Variants in CLPB observed in about 807,000 individuals in gnomAD.
CLPB encodes the protein ClpB family mitochondrial disaggregase.
In CLPB, 40 loss-of-function variants were observed where a neutral mutation model predicts 78.4. The observed-to-expected ratio is 0.51, with a 90% CI of 0.40 to 0.66. The LOEUF is 0.66. CLPB is among the 30% of genes least tolerant of loss of function. The probability of loss-of-function intolerance (pLI) is 0.00; values close to 1 mark genes in which losing one functional copy is unlikely to be tolerated. For synonymous variants in CLPB, 333 were observed against 348.0 expected (o/e 0.96, Z 0.48); for missense variants, 780 against 886.9 (o/e 0.88, Z 1.53).
chr11:72,430,358 C>A lies in CLPB; in HGVS notation c.409G>T (p.Ala137Ser), dbSNP rs1323542690. 1.9e-6 allele frequency: 3 copies of A among 1,612,986 alleles called. No individual in the cohort carries two copies. Among genetic ancestry groups the A allele is most frequent in the Non-Finnish European group, 2.5e-6 (3 of 1,179,836 alleles). The change falls in exon 2 of 16, where the codon GCC becomes TCC. Residue 137 changes from alanine to serine, a missense_variant. Around this residue, in one of 3 missense-constraint regions of CLPB, gnomAD observed 417 missense variants for 414.7 expected, o/e 1.01. Transcript: ENST00000538039. ...YSKSPSNKDA[A>S]LLEAARANNM... The stretch of plus-strand genomic sequence containing the variant: ...TTGGCACGGGCAGCTTCCAACAGGG[C>A]TGCATCTGAAGAGAAAGGGGGCACT...
At chr11:72,398,706 C>T (rs1381664570) in intron 3 of CLPB, among the ~76,000 whole-genome samples, 2 of 152,188 alleles carry the variant, frequency 1.3e-5, no homozygotes, top group Admixed American at 1.3e-4. Flanking sequence ...AATGAGACAC[C>T]CAGACTCAGG....
intron 5 of CLPB, among the ~76,000 whole-genome samples, chr11:72,343,506 T>G (rs1033377470): frequency 6.6e-6 from 1 of 152,194 alleles, no homozygotes; most frequent in Non-Finnish European, 1.5e-5. Context: ...AACCAGAAGC[T>G]TCTGCCAACA....
chr11:72,338,890 CT>C (rs1950369202), intron 5 of CLPB, among the ~76,000 whole-genome samples: 1 of 152,188 alleles, frequency 6.6e-6, no homozygotes, highest in Non-Finnish European at 1.5e-5. Context: ...CAAATGTGGA[CT>C]TCATGAGACA....
chr11:72,302,596 G>A (rs529333585), intron 9 of CLPB: 26 of 474,836 alleles, frequency 5.5e-5, no homozygotes, highest in South Asian at 5.3e-4. Context: ...ATCTGACTTG[G>A]GGTGTCTTCT....
chr11:72,405,168 G>A (rs759813510), intron 2 of CLPB, among the ~76,000 whole-genome samples: 1 of 152,334 alleles, frequency 6.6e-6, no homozygotes, highest in Non-Finnish European at 1.5e-5. Context: ...GTTTAGAGAA[G>A]TGGAAGGAAG....
At chr11:72,364,163 C>T (rs1020242315) in intron 4 of CLPB, among the ~76,000 whole-genome samples, 1 of 152,108 alleles carries the variant, frequency 6.6e-6, no homozygotes, top group African/African-American at 2.4e-5. Context: ...GTGTAGAGAG[C>T]TTCAGCATGA....
intron 2 of CLPB, among the ~76,000 whole-genome samples, chr11:72,413,007 T>C (rs550261543): frequency 2.0e-5 from 3 of 152,276 alleles, no homozygotes; most frequent in Non-Finnish European, 4.4e-5. Flanking sequence ...ACAGCCTTCA[T>C]GCCAGGTGCG....
Position 72,309,785 on chromosome 11 carries a change from T to A in CLPB, c.989-1181A>T, listed in dbSNP as rs1001183784. 3.3e-5 allele frequency among the ~76,000 whole-genome samples: 5 copies of A among 152,134 alleles called. No homozygotes were observed. The East Asian group carries it at 9.6e-4, about 29-fold the overall frequency. On this transcript the variant is annotated intron_variant, in intron 7 of 15. Coordinates refer to ENST00000538039, the MANE Select transcript of CLPB (RefSeq NM_001258392.3). ...TGTAATGTCAAGGTCAGTCTGCAAA[T>A]GGAACAGCATGTCTGATCTGGTCCC...
At chr11:72,344,286 GCAAC>G (rs1458781152) in intron 5 of CLPB, among the ~76,000 whole-genome samples, 4 of 151,974 alleles carry the variant, frequency 2.6e-5, no homozygotes, top group African/African-American at 9.7e-5. Flanking sequence ...TCAGCTTATT[GCAAC>G]CTCCACCTCC....
rs776958245 is a variant in CLPB at position 72,359,161 on chromosome 11, G to A, written c.647-153C>T. 6 of 1,127,334 alleles carry A rather than the reference G, an allele frequency of 5.3e-6. No individual in the cohort carries two copies. In the Admixed American group the frequency reaches 9.6e-5, roughly 18 times the overall value. 69.8% of individuals were successfully genotyped at this position (1,127,334 alleles called of 1,614,324 possible). Reference sequence around the variant, plus strand: ...ACTATGTTCCTGGCCATCTGTGCTGGGTAAGAAGAGGCAAAACAGAGGCCA... The same window carrying A: ...ACTATGTTCCTGGCCATCTGTGCTGAGTAAGAAGAGGCAAAACAGAGGCCA... On this transcript the variant is annotated intron_variant, in intron 4 of 15. Transcript: ENST00000538039.
At chr11:72,387,171 C>A (rs1198010478) in intron 3 of CLPB, among the ~76,000 whole-genome samples, 1 of 152,070 alleles carries the variant, frequency 6.6e-6, no homozygotes, top group Non-Finnish European at 1.5e-5. Context: ...GAAGTCCACA[C>A]TGAAAATTAA....
chr11:72,407,330 A>T (rs1371825918), intron 2 of CLPB, among the ~76,000 whole-genome samples: 2 of 152,244 alleles, frequency 1.3e-5, no homozygotes, highest in East Asian at 3.8e-4. Flanking sequence ...ACACTTGGCC[A>T]TAGCCAGCTT....
At chr11:72,305,943 T>C (rs1393949005) in intron 9 of CLPB, among the ~76,000 whole-genome samples, 1 of 152,224 alleles carries the variant, frequency 6.6e-6, no homozygotes, top group Non-Finnish European at 1.5e-5. Flanking sequence ...GAATTCTTCA[T>C]CCCTAATCAG....
At chr11:72,364,579 CA>C (rs538659108) in intron 4 of CLPB, among the ~76,000 whole-genome samples, 87 of 152,056 alleles carry the variant, frequency 5.7e-4, no homozygotes, top group African/African-American at 2.0e-3. Context: ...AGGCTGGTCT[CA>C]AACTCCTGGG....
intron 2 of CLPB, among the ~76,000 whole-genome samples, chr11:72,415,769 G>A (rs1202852725): frequency 6.6e-6 from 1 of 152,174 alleles, no homozygotes; most frequent in East Asian, 1.9e-4. Context: ...TAACGCAGCT[G>A]CCAAGAAAGC....
rs1292678674 is a variant in CLPB, at chr11:72,302,241, C to A, written c.1167+63G>T. ...ATTATCTGAGGCCCAAATGACAAGA[C>A]CCCGGCAGTCATGCTGACAAGCCCT... is the stretch of plus-strand genomic sequence containing the variant. On this transcript the variant is annotated intron_variant, in intron 10 of 15. Transcript: ENST00000538039. 4 of 1,529,026 alleles carry A rather than the reference C, an allele frequency of 2.6e-6. No individual in the cohort carries two copies. In the South Asian group the frequency reaches 3.4e-5, roughly 13 times the overall value. The allele number at this position is 1,529,026 out of a possible 1,614,324, so 94.7% of individuals were successfully genotyped here. A position where few individuals can be genotyped will look rare whatever the true frequency, so the allele number is the denominator to read the frequency against.
At chr11:72,369,103 A>C (rs1051944317) in intron 4 of CLPB, among the ~76,000 whole-genome samples, 1 of 152,206 alleles carries the variant, frequency 6.6e-6, no homozygotes, top group Non-Finnish European at 1.5e-5. Flanking sequence ...GAACTTGAAG[A>C]AGACAGGCTA....
chr11:72,430,343 C>T lies in CLPB; in HGVS notation c.424G>A (p.Ala142Thr), dbSNP rs746090746. The change falls in exon 2 of 16, where the codon GCC becomes ACC. Residue 142 changes from alanine (A) to threonine (T), a missense_variant. By Grantham distance (58) the Ala-to-Thr change is moderately conservative. Around this residue, in one of 3 missense-constraint regions of CLPB, gnomAD observed 417 missense variants for 414.7 expected, o/e 1.01. Transcript: ENST00000538039. ...ACTTCTTGCATATTGTTGGCACGGGCAGCTTCCAACAGGGCTGCATCTGAA... is the reference window on the plus strand; with the variant it reads ...ACTTCTTGCATATTGTTGGCACGGGTAGCTTCCAACAGGGCTGCATCTGAA... ...SNKDAALLEA[A>T]RANNMQEVSR... is the part of the protein sequence containing the mutation. 1.2e-6 allele frequency: 2 copies of T among 1,613,112 alleles called. No individual in the cohort carries two copies. Among genetic ancestry groups the T allele is most frequent in the Non-Finnish European group, 1.7e-6 (2 of 1,179,860 alleles).
chr11:72,343,126 A>G (rs561136703), intron 5 of CLPB, among the ~76,000 whole-genome samples: 1 of 152,336 alleles, frequency 6.6e-6, no homozygotes, highest in South Asian at 2.1e-4. Flanking sequence ...AAAGCCAAGT[A>G]GAGCCCTCTG....
Sources: gnomAD v4.1 joint callset for allele counts (sites outside exome capture counted in the v4.1 genomes callset) on GRCh38, gnomAD v4.1.1 for gene constraint, gnomAD v4.1.1 regional missense constraint, MANE v1.5 for transcripts, NCBI Gene and HGNC (gene_info 2026-07-23, HGNC 2026-07-21) for gene names.